Variants in GPD2 observed in about 807,000 individuals in gnomAD.
GPD2 encodes the protein glycerol-3-phosphate dehydrogenase, mitochondrial.
GPD2 carries 54 observed loss-of-function variants against 82.4 expected under a neutral mutation model. The observed-to-expected ratio is 0.66, with a 90% CI of 0.53 to 0.82. GPD2 has a LOEUF of 0.82. GPD2 is among the 40% of genes least tolerant of loss of function. The probability of loss-of-function intolerance (pLI) is 0.00; values close to 1 mark genes in which losing one functional copy is unlikely to be tolerated. For missense variants in GPD2, 748 were observed against 896.2 expected (o/e 0.83, Z 2.11); for synonymous variants, 288 against 306.1 (o/e 0.94, Z 0.62).
At chr2:156,483,360 C>G (rs984994337) in intron 2 of GPD2, among the ~76,000 whole-genome samples, 2 of 152,124 alleles carry the variant, frequency 1.3e-5, no homozygotes, top group African/African-American at 4.8e-5. Context: ...TACTTACAGG[C>G]TTTTTTCTCT....
At chr2:156,512,374 A>G (rs1685034415) in intron 5 of GPD2, 57 bp downstream of exon 5, 1 of 839,770 alleles carries the variant, frequency 1.2e-6, no homozygotes, top group Non-Finnish European at 2.1e-6. Flanking sequence ...ATAGAACAAC[A>G]GTTTTAATGG....
intron 6 of GPD2, among the ~76,000 whole-genome samples, chr2:156,523,661 ATTTCT>A: frequency 6.8e-6 from 1 of 146,666 alleles, no homozygotes; most frequent in East Asian, 2.0e-4. Flanking sequence ...TTCAACAATA[ATTTCT>A]TTTCTAGATA....
intron 2 of GPD2, among the ~76,000 whole-genome samples, chr2:156,481,591 C>T (rs1377580690): frequency 1.3e-5 from 2 of 151,722 alleles, no homozygotes; most frequent in Non-Finnish European, 2.9e-5. Context: ...TTTCACTTAA[C>T]ATAATGTCCT....
chr2:156,496,943 A>G (rs1402783937), intron 3 of GPD2, among the ~76,000 whole-genome samples: 1 of 138,860 alleles, frequency 7.2e-6, no homozygotes, highest in Non-Finnish European at 1.7e-5. Context: ...ACTAATCTAT[A>G]GTTCTGTCTC....
At chr2:156,428,084 C>G in the GPD2 span, among the ~76,000 whole-genome samples, 1 of 152,206 alleles carries the variant, frequency 6.6e-6, no homozygotes, top group Non-Finnish European at 1.5e-5. Flanking sequence ...CCAACTCCCC[C>G]ACTTCTCCCC....
intron 1 of GPD2, among the ~76,000 whole-genome samples, chr2:156,474,939 GAAAA>G (rs1194567887): frequency 8.3e-6 from 1 of 120,366 alleles, no homozygotes. Flanking sequence ...TGTCTCTACA[GAAAA>G]AAAAAAAAGA....
At chr2:156,549,797 G>A (rs746921590) in intron 7 of GPD2, 25 bp downstream of exon 7, 4 of 1,539,094 alleles carry the variant, frequency 2.6e-6, no homozygotes, top group East Asian at 2.3e-5. Flanking sequence ...TGGGAGGGAG[G>A]TATTTCTTAG....
the GPD2 span, among the ~76,000 whole-genome samples, chr2:156,403,970 A>T: frequency 6.6e-6 from 1 of 152,200 alleles, no homozygotes; most frequent in Non-Finnish European, 1.5e-5. Flanking sequence ...GAAGAAAGAG[A>T]CAAACATATT....
chr2:156,467,261 T>G (rs1683181327), intron 1 of GPD2, among the ~76,000 whole-genome samples: 1 of 152,148 alleles, frequency 6.6e-6, no homozygotes, highest in African/African-American at 2.4e-5. Context: ...GCTGGCCTTT[T>G]GATAGGGTGT....
At chr2:156,576,566 T>C (rs1438311555) in intron 13 of GPD2, among the ~76,000 whole-genome samples, 1 of 152,194 alleles carries the variant, frequency 6.6e-6, no homozygotes, top group Non-Finnish European at 1.5e-5. Flanking sequence ...AATCTCACTG[T>C]AAAACCTTCT....
At chr2:156,487,581 A>G (rs1019283548) in intron 2 of GPD2, among the ~76,000 whole-genome samples, 1 of 152,250 alleles carries the variant, frequency 6.6e-6, no homozygotes, top group Non-Finnish European at 1.5e-5. Flanking sequence ...TTACTTGCTC[A>G]AGGGATAACT....
At position 156,582,912 on chromosome 2, in the gene GPD2, A is replaced by G; in HGVS notation, c.2178A>G (p.Gly726=). 2 of 1,609,516 alleles carry G rather than the reference A, an allele frequency of 1.2e-6. No homozygotes were observed. The highest frequency in any genetic ancestry group is 4.5e-5 in the East Asian group (2 of 44,526). Residue 726 remains glycine (G), a synonymous_variant, in exon 17 of 17, where the codon GGA becomes GGG. Coordinates refer to ENST00000438166, the MANE Select transcript of GPD2 (RefSeq NM_000408.5). ...VPIPVDRSCG[G]L ...TTCCAGTGGACCGTAGTTGTGGAGG[A>G]TTGTGAGTCTGGGCAGTAAATCCAC...
At chr2:156,509,853 A>G (rs965650111) in intron 3 of GPD2, among the ~76,000 whole-genome samples, 40 of 146,822 alleles carry the variant, frequency 2.7e-4, no homozygotes, top group Admixed American at 2.6e-3. Flanking sequence ...GGCTCACTGT[A>G]ACCTCTGCCT....
At chr2:156,418,991 G>A in the GPD2 span, among the ~76,000 whole-genome samples, 23 of 151,804 alleles carry the variant, frequency 1.5e-4, no homozygotes, top group East Asian at 9.7e-4. Context: ...GAGGCCCGGC[G>A]GCTTCTTCAG....
chr2:156,402,484 T>C, the GPD2 span, among the ~76,000 whole-genome samples: 1 of 152,230 alleles, frequency 6.6e-6, no homozygotes, highest in Admixed American at 6.5e-5. Context: ...TTACTTCTTC[T>C]AACTTTAGTT....
chr2:156,411,630 T>G, the GPD2 span, among the ~76,000 whole-genome samples: 1 of 152,176 alleles, frequency 6.6e-6, no homozygotes, highest in Admixed American at 6.6e-5. Context: ...GAATATAAAT[T>G]CTGTATATTA....
chr2:156,515,640 C>T (rs1430382723), intron 6 of GPD2, among the ~76,000 whole-genome samples: 1 of 152,016 alleles, frequency 6.6e-6, no homozygotes, highest in African/African-American at 2.4e-5. Flanking sequence ...TTATAGGTTG[C>T]AAAATTATGA....
the GPD2 span, among the ~76,000 whole-genome samples, chr2:156,418,913 G>A: frequency 6.6e-6 from 1 of 152,098 alleles, no homozygotes; most frequent in Non-Finnish European, 1.5e-5. Flanking sequence ...TCCTTTAGAT[G>A]GATCTGGATT....
chr2:156,447,366 A>G (rs1270914844), intron 1 of GPD2, among the ~76,000 whole-genome samples: 1 of 150,840 alleles, frequency 6.6e-6, no homozygotes, highest in Non-Finnish European at 1.5e-5. Flanking sequence ...ACAGGGTCTT[A>G]TCCTGTCACT....
Sources: gnomAD v4.1 joint callset for allele counts (sites outside exome capture counted in the v4.1 genomes callset) on GRCh38, gnomAD v4.1.1 for gene constraint, MANE v1.5 for transcripts, NCBI Gene and HGNC (gene_info 2026-07-23, HGNC 2026-07-21) for gene names.